Variants in ZZEF1 observed in about 807,000 individuals in gnomAD.
The protein encoded by ZZEF1 is zinc finger ZZ-type and EF-hand domain containing 1, also known as zinc finger ZZ-type and EF-hand domain-containing protein 1.
In ZZEF1, 157 loss-of-function variants were observed where a neutral mutation model predicts 342.8. The ratio of observed to expected loss-of-function variants is 0.46; its 90% CI spans 0.40 to 0.52. The LOEUF is 0.52. Among genes scored for constraint, ZZEF1 ranks in the 20% least tolerant of loss-of-function variants. ZZEF1 has a pLI of 0.00. For missense variants in ZZEF1, 3,480 were observed against 3,725.6 expected (o/e 0.93, Z 1.72); for synonymous variants, 1,505 against 1,429.1 (o/e 1.05, Z -1.20).
intron 18 of ZZEF1, among the ~76,000 whole-genome samples, chr17:4,080,949 C>T (rs1471824850): frequency 1.3e-5 from 2 of 152,170 alleles, no homozygotes; most frequent in African/African-American, 4.8e-5. Context: ...TAACAAAGTA[C>T]ATTCATGCCA....
intron 11 of ZZEF1, among the ~76,000 whole-genome samples, chr17:4,094,937 A>C (rs566124432): frequency 3.0e-4 from 45 of 152,296 alleles, no homozygotes; most frequent in African/African-American, 1.1e-3. Flanking sequence ...GATCCTGACC[A>C]GTGCTTCTAC....
At position 4,109,486 on chromosome 17, in the gene ZZEF1, T is replaced by C. The variant is rs2875768; in HGVS notation, c.1277+167A>G. Among the ~76,000 whole-genome samples the C allele has an allele frequency of 0.076, 11,586 of 152,098 alleles. 524 individuals are homozygous for C. The highest frequency in any genetic ancestry group is 0.13 in the South Asian group (649 of 4,814). On this transcript the variant is annotated intron_variant, in intron 6 of 54. Transcript: ENST00000381638. ...AGTCAGAACGTCAATCAAAGAGAGATACACTGTGGAGCTGAGTGGCACGAA... is the reference window on the plus strand; with the variant it reads ...AGTCAGAACGTCAATCAAAGAGAGACACACTGTGGAGCTGAGTGGCACGAA...
chr17:4,026,389 C>A (rs2056403696), intron 42 of ZZEF1, among the ~76,000 whole-genome samples: 3 of 152,120 alleles, frequency 2.0e-5, no homozygotes, highest in Admixed American at 2.0e-4. Flanking sequence ...AAGGCACATG[C>A]ATAATTGAAT....
chr17:4,096,611 T>G lies in ZZEF1; in HGVS notation c.1762A>C (p.Met588Leu). 3.1e-6 allele frequency: 5 copies of G among 1,613,548 alleles called. No individual in the cohort carries two copies. Among genetic ancestry groups the G allele is most frequent in the Non-Finnish European group, 4.2e-6 (5 of 1,179,642 alleles). Residue 588 changes from methionine (M) to leucine (L), a missense_variant and splice_region_variant, in exon 10 of 55, where the codon ATG (methionine) becomes CTG (leucine). Coordinates refer to ENST00000381638, the MANE Select transcript of ZZEF1 (RefSeq NM_015113.4). ...AAAGAAGGTAGCACGAAAATTACCA[T>G]AATTCTTATCTGTGTAACTTGGAAG... ...SAFQVTQIRIMVRRGGIGAQC... is the reference protein window; with the variant it reads ...SAFQVTQIRILVRRGGIGAQC...
Position 4,008,958 on chromosome 17 carries a change from C to A in ZZEF1, c.8734-4G>T. On this transcript the variant is annotated splice_polypyrimidine_tract_variant and splice_region_variant and intron_variant, in intron 53 of 54. Coordinates refer to ENST00000381638, the MANE Select transcript of ZZEF1 (RefSeq NM_015113.4). This position sits in a 1 kb window ranked among gnomAD's most constrained non-coding sequence, Gnocchi z 4.2. ...AATCCTGCAGCACGCCAAGCTCCTG[C>A]AGAGAGAGAGCAGGGGCTGTGAGTG... 4.5e-6 allele frequency: 7 copies of A among 1,540,142 alleles called. No homozygotes were observed. Among genetic ancestry groups the A allele is most frequent in the Non-Finnish European group, 6.1e-6 (7 of 1,146,972 alleles).
At chr17:4,083,365 ACAGTC>A (rs2057759533) in intron 16 of ZZEF1, among the ~76,000 whole-genome samples, 1 of 152,210 alleles carries the variant, frequency 6.6e-6, no homozygotes, top group Non-Finnish European at 1.5e-5. Context: ...AGACCCACCC[ACAGTC>A]CAGTGGCTCA....
At chr17:4,019,621 CAT>C in intron 46 of ZZEF1, 46 bp downstream of exon 46, 2 of 1,554,770 alleles carry the variant, frequency 1.3e-6, no homozygotes, top group Non-Finnish European at 1.8e-6. Flanking sequence ...CCCGCCCTCA[CAT>C]ATTCTCTCCC....
At chr17:4,088,537 C>G (rs890856204) in intron 13 of ZZEF1, 141 bp downstream of exon 13, 2 of 901,796 alleles carry the variant, frequency 2.2e-6, no homozygotes, top group African/African-American at 1.7e-5. Flanking sequence ...CTTTCCTCAG[C>G]TTTTCATGTC....
chr17:4,024,205 T>TTTTTTTTTTG (rs2056349996), intron 43 of ZZEF1, among the ~76,000 whole-genome samples: 1 of 144,074 alleles, frequency 6.9e-6, no homozygotes, highest in African/African-American at 2.6e-5. Flanking sequence ...TTTTTTTTTT[T>TTTTTTTTTTG]TTTTTTTTTA....
Position 4,090,811 on chromosome 17 carries a change from C to G in ZZEF1, c.1933G>C (p.Asp645His), listed in dbSNP as rs1455954200. The change falls in exon 12 of 55, where the codon GAC becomes CAC. Residue 645 changes from aspartate to histidine, a missense_variant. By Grantham distance (81) the Asp-to-His change is moderately conservative. Coordinates refer to ENST00000381638, the MANE Select transcript of ZZEF1 (RefSeq NM_015113.4). ...CCAATAGGATCATCCTCTCCAAGGT[C>G]ATCAGATGAGCAACCAATCCTGTAA... The part of the protein sequence containing the change: ...VKSRIGCSSD[D>H]LGEDDPIGWF... 2.5e-6 allele frequency: 4 copies of G among 1,613,944 alleles called. No homozygotes were observed. Among genetic ancestry groups the G allele is most frequent in the Non-Finnish European group, 3.4e-6 (4 of 1,179,986 alleles).
chr17:4,088,429 G>A (rs1245150415), intron 13 of ZZEF1, among the ~76,000 whole-genome samples: 1 of 152,146 alleles, frequency 6.6e-6, no homozygotes, highest in Admixed American at 6.5e-5. Context: ...AGATGTGTCT[G>A]TAGGTCTACT....
At chr17:4,117,262 G>T in intron 2 of ZZEF1, 96 bp from the exon 3 acceptor site, 1 of 914,100 alleles carries the variant, frequency 1.1e-6, no homozygotes, top group South Asian at 1.7e-5. Flanking sequence ...TAAATTAAAA[G>T]CAGTCATTAA....
At chr17:4,009,322 C>T (rs569405727) in intron 53 of ZZEF1, 23 of 574,630 alleles carry the variant, frequency 4.0e-5, no homozygotes, top group African/African-American at 9.4e-5. Context: ...AATAACCCAT[C>T]GTTTTATTTT....
intron 6 of ZZEF1, among the ~76,000 whole-genome samples, 171 bp from the exon 7 acceptor site, chr17:4,105,980 C>T (rs547323194): frequency 2.0e-5 from 3 of 152,162 alleles, no homozygotes; most frequent in African/African-American, 4.8e-5. Context: ...GACGGAGTCT[C>T]GCTCTATCAC....
Position 4,044,320 on chromosome 17 carries a change from T to C in ZZEF1, c.6070A>G (p.Lys2024Glu), listed in dbSNP as rs949838496. Residue 2024 changes from lysine to glutamate, a missense_variant, in exon 38 of 55, where the codon AAG becomes GAG. Lys to Glu is a moderately conservative substitution (Grantham distance 56, BLOSUM62 1). Transcript: ENST00000381638. Reference protein sequence around the residue: ...IRPVDFKQRNKADKGVSLSKD... With the variant: ...IRPVDFKQRNEADKGVSLSKD... ...GATAATGATACACCTTTATCTGCCT[T>C]ATTTCTCTGCTTGAAATCTACAGGT... 1.9e-6 allele frequency: 3 copies of C among 1,614,172 alleles called. No homozygotes were observed.
At chr17:4,026,865 C>T (rs368463869) in intron 42 of ZZEF1, among the ~76,000 whole-genome samples, 2 of 151,998 alleles carry the variant, frequency 1.3e-5, no homozygotes, top group East Asian at 3.9e-4. Context: ...TAAGATAAAA[C>T]TCAGCTTAGA....
Position 4,011,704 on chromosome 17 carries a change from A to T in ZZEF1, c.8579+1745T>A, listed in dbSNP as rs184747124. 8.4e-3 allele frequency among the ~76,000 whole-genome samples: 1,283 copies of T among 151,936 alleles called. 5 individuals carry two copies. The highest frequency in any genetic ancestry group is 0.011 in the Non-Finnish European group (717 of 67,914). ...ATAATATTGGATTTTGCTTTTTTTTAAAAAAAATTGCTTTTTCTCTTATGA... is the reference window on the plus strand; with the variant it reads ...ATAATATTGGATTTTGCTTTTTTTTTAAAAAAATTGCTTTTTCTCTTATGA... On this transcript the variant is annotated intron_variant, in intron 52 of 54. Coordinates refer to ENST00000381638, the MANE Select transcript of ZZEF1 (RefSeq NM_015113.4).
chr17:4,036,295 T>C (rs1258087492), intron 39 of ZZEF1, among the ~76,000 whole-genome samples: 2 of 152,162 alleles, frequency 1.3e-5, no homozygotes, highest in African/African-American at 4.8e-5. Flanking sequence ...GTGGGGTAAG[T>C]GGCACCTGTG....
Position 4,017,602 on chromosome 17 carries a change from G to A in ZZEF1, c.7770C>T (p.Leu2590=), listed in dbSNP as rs1412357177. 2 of 1,614,118 alleles carry A rather than the reference G, an allele frequency of 1.2e-6. No individual in the cohort carries two copies. Among genetic ancestry groups the A allele is most frequent in the Admixed American group, 1.7e-5 (1 of 60,016 alleles). The change falls in exon 48 of 55, where the codon CTC becomes CTT. Residue 2590 remains leucine, a synonymous_variant. Coordinates refer to ENST00000381638, the MANE Select transcript of ZZEF1 (RefSeq NM_015113.4). The surrounding 1 kb of genome is among the most constrained non-coding windows in gnomAD (Gnocchi z 5.1). ...AKQRRSKSAA[L]LHKELNCKSK... ...TCTTGCAGTTCAGCTCCTTGTGCAG[G>A]AGGGCGGCGCTCTTGCTACGGCGCT...
Sources: allele counts gnomAD v4.1 joint callset (sites outside exome capture counted in the v4.1 genomes callset), GRCh38; gene constraint gnomAD v4.1.1; non-coding constraint Gnocchi (gnomAD v3.1); transcripts MANE v1.5; gene names NCBI Gene and HGNC (gene_info 2026-07-23, HGNC 2026-07-21).